DOK4: variants seen among roughly 807,000 people sequenced by gnomAD.
DOK4 encodes the protein downstream of tyrosine kinase 4.
A neutral mutation model predicts 40.1 loss-of-function variants in DOK4; 26 were observed. The observed-to-expected ratio is 0.65, with a 90% CI of 0.48 to 0.90. DOK4 has a LOEUF of 0.90. Among genes scored for constraint, DOK4 ranks in the 40% least tolerant of loss-of-function variants. The probability of loss-of-function intolerance (pLI) is 0.00; values close to 1 mark genes in which losing one functional copy is unlikely to be tolerated. For synonymous variants in DOK4, 179 were observed against 177.0 expected (o/e 1.01, Z -0.09); for missense variants, 392 against 437.2 (o/e 0.90, Z 0.92).
chr16:57,473,213 C>G, exon 9 of DOK4: 2 of 1,069,202 alleles, frequency 1.9e-6, no homozygotes, highest in South Asian at 1.7e-5. Context: ...GTGTGGCCAG[C>G]CCTTTGCCTC....
Position 57,473,848 on chromosome 16 carries a change from G to A in DOK4, c.738+53C>T. On this transcript the variant is annotated intron_variant, in intron 7 of 8. Transcript: ENST00000340099. ...GTACCCCAGGCACTTGGCCCTGCCT[G>A]CCCGCCCGTTCCCCCCTCCCCCCGT... The A allele has an allele frequency of 1.9e-6, 3 of 1,593,168 alleles. No individual in the cohort carries two copies. The South Asian group carries it at 3.4e-5, about 18-fold the overall frequency.
At chr16:57,473,635 G>T in exon 8 of DOK4, 1 of 1,614,236 alleles carries the variant, frequency 6.2e-7, no homozygotes, top group Non-Finnish European at 8.5e-7. Flanking sequence ...AGGCTTCGGC[G>T]ATGTTCTGGG....
chr16:57,481,457 T>C (rs625784), intron 1 of DOK4: 114,188 of 152,272 alleles, frequency 0.75, 43,759 homozygotes, highest in African/African-American at 0.91. Context: ...ACAGCTCTGC[T>C]ACACCTGGGC....
At position 57,477,003 on chromosome 16, in the gene DOK4, C is replaced by A. The variant is rs185580061; in HGVS notation, c.67-1046G>T. Among the ~76,000 whole-genome samples the A allele has an allele frequency of 1.5e-3, 230 of 151,932 alleles. 1 individual carries two copies. The highest frequency in any genetic ancestry group is 5.4e-3 in the African/African-American group (224 of 41,198). ...AAAGTCTGTGGCTGGGGTTTACCTA[C>A]TCCTTCCAGCGGGCATTCCAAAAGC... On this transcript the variant is annotated intron_variant, in intron 2 of 8. Transcript: ENST00000340099.
At chr16:57,475,665 T>TCTCTCTCC in intron 3 of DOK4, 45 bp from the exon 4 acceptor site, 1 of 540,510 alleles carries the variant, frequency 1.9e-6, no homozygotes, top group South Asian at 2.3e-5. Flanking sequence ...AGTGCATCTC[T>TCTCTCTCC]CTCTCTCTCT....
At position 57,480,662 on chromosome 16, in the gene DOK4, G is replaced by A. The variant is rs190151146; in HGVS notation, c.-181-974C>T. On this transcript the variant is annotated intron_variant, in intron 1 of 8. Transcript: ENST00000340099. ...GGCCCTGGGGCAACAAGACATGCAG[G>A]AGACAATGTGGGATACCAAGGGGAG... Among the ~76,000 whole-genome samples the A allele has an allele frequency of 8.7e-4, 132 of 152,170 alleles. 1 individual carries two copies. Among genetic ancestry groups the A allele is most frequent in the Admixed American group, 8.5e-3 (130 of 15,294 alleles).
chr16:57,473,292 G>T (rs1039486764), exon 9 of DOK4: 1 of 1,502,042 alleles, frequency 6.7e-7, no homozygotes, highest in Non-Finnish European at 8.9e-7. Context: ...TTGGCCGACA[G>T]CCCCCTGAGG....
At chr16:57,476,407 G>A in intron 2 of DOK4, 1 of 170,986 alleles carries the variant, frequency 5.8e-6, no homozygotes, top group African/African-American at 2.4e-5. Context: ...GGTATTTGCA[G>A]CAGGCTGTCT....
exon 9 of DOK4, chr16:57,473,258 A>AGCTT: frequency 7.0e-7 from 1 of 1,418,850 alleles, no homozygotes; most frequent in Non-Finnish European, 9.3e-7. Context: ...AGGAGGGGGC[A>AGCTT]GCTTGCTCCC....
chr16:57,473,350 A>T, exon 9 of DOK4: 1 of 1,601,564 alleles, frequency 6.2e-7, no homozygotes, highest in Non-Finnish European at 8.5e-7. Flanking sequence ...AGCCCCCAGC[A>T]GTCATCGGTG....
intron 1 of DOK4, among the ~76,000 whole-genome samples, chr16:57,483,503 G>T (rs576905225): frequency 5.9e-5 from 9 of 152,216 alleles, no homozygotes; most frequent in Non-Finnish European, 1.2e-4. Flanking sequence ...TGTGGCACGT[G>T]CCTGTAGTCA....
Position 57,473,880 on chromosome 16 carries a change from G to A in DOK4, c.738+21C>T, listed in dbSNP as rs777889095. ...CGTTCCCCCCTCCCCCCGTACCCTGGACTGATGCCCGCTGCCTCACCCTCA... is the reference window on the plus strand; with the variant it reads ...CGTTCCCCCCTCCCCCCGTACCCTGAACTGATGCCCGCTGCCTCACCCTCA... On this transcript the variant is annotated intron_variant, in intron 7 of 8. Transcript: ENST00000340099. 1.5e-5 allele frequency: 24 copies of A among 1,611,922 alleles called. 1 individual carries two copies. In the South Asian group the frequency reaches 2.6e-4, roughly 18 times the overall value.
chr16:57,481,134 G>T (rs1266680709), intron 1 of DOK4, among the ~76,000 whole-genome samples: 1 of 152,200 alleles, frequency 6.6e-6, no homozygotes, highest in Non-Finnish European at 1.5e-5. Flanking sequence ...GCTGCTGGTT[G>T]TGCCAGCAGC....
exon 3 of DOK4, chr16:57,475,920 G>A (rs954258294): frequency 6.2e-7 from 1 of 1,613,648 alleles, no homozygotes; most frequent in Non-Finnish European, 8.5e-7. Flanking sequence ...CCCCTTGCTG[G>A]AGGATTTCCG....
intron 2 of DOK4, among the ~76,000 whole-genome samples, chr16:57,478,184 T>A (rs1158750759): frequency 6.6e-6 from 1 of 152,176 alleles, no homozygotes; most frequent in Non-Finnish European, 1.5e-5. Flanking sequence ...GATCCCCCTT[T>A]CAGAGGAAGA....
chr16:57,479,309 G>T lies in DOK4; in HGVS notation c.66+133C>A. The T allele has an allele frequency of 2.0e-6, 2 of 994,084 alleles. No individual in the cohort carries two copies. The highest frequency in any genetic ancestry group is 3.0e-6 in the Non-Finnish European group (2 of 671,916). 61.6% of individuals were successfully genotyped at this position (994,084 alleles called of 1,614,324 possible). ...AGGCAGCACGCTGGCGAGGAGCCCC[G>T]AGACCACAGATGCACGATGCCCGGC... is the stretch of plus-strand genomic sequence containing the variant. On this transcript the variant is annotated intron_variant, in intron 2 of 8. Transcript: ENST00000340099. This position sits in a 1 kb window ranked among gnomAD's most constrained non-coding sequence, Gnocchi z 5.8.
At chr16:57,480,918 T>C (rs2031389347) in intron 1 of DOK4, among the ~76,000 whole-genome samples, 1 of 152,120 alleles carries the variant, frequency 6.6e-6, no homozygotes, top group African/African-American at 2.4e-5. Context: ...AGGGTGGTGA[T>C]GGAGACCAGT....
intron 1 of DOK4, among the ~76,000 whole-genome samples, chr16:57,484,803 A>G (rs367566869): frequency 1.8e-3 from 272 of 152,138 alleles, no homozygotes; most frequent in African/African-American, 6.1e-3. Flanking sequence ...CTCTCTCACA[A>G]CATCAGATGC....
At chr16:57,486,513 C>T (rs1354718802), upstream of DOK4, 3 of 151,702 alleles carry the variant, frequency 2.0e-5, no homozygotes, top group Non-Finnish European at 2.9e-5. Context: ...CCCCCTCCGC[C>T]AGGTCTCGCC....
Sources: allele counts gnomAD v4.1 joint callset (sites outside exome capture counted in the v4.1 genomes callset), GRCh38; gene constraint gnomAD v4.1.1; non-coding constraint Gnocchi (gnomAD v3.1); transcripts MANE v1.5; gene names NCBI Gene and HGNC (gene_info 2026-07-23, HGNC 2026-07-21).